IRAK1BP1: variants seen among roughly 807,000 people sequenced by gnomAD.
IRAK1BP1 encodes the protein interleukin 1 receptor associated kinase 1 binding protein 1.
IRAK1BP1 carries 24 observed loss-of-function variants against 28.0 expected under a neutral mutation model. The observed-to-expected ratio is 0.86, with a 90% CI of 0.62 to 1.20. The LOEUF is 1.20. Ranked by LOEUF, IRAK1BP1 falls within the 50% of genes most tolerant of loss-of-function variation. IRAK1BP1 has a pLI of 0.00. For synonymous variants in IRAK1BP1, 131 were observed against 116.3 expected, an observed-to-expected ratio of 1.13 and a Z score of -0.81; for missense variants, 336 against 316.7, an observed-to-expected ratio of 1.06 and a Z score of -0.46.
chr6:78,916,448 G>A (rs1409997179), intron 4 of IRAK1BP1, among the ~76,000 whole-genome samples: 2 of 152,030 alleles, frequency 1.3e-5, no homozygotes, highest in Admixed American at 6.6e-5. Flanking sequence ...AACTAATTTG[G>A]CAGTGTGGTG....
chr6:78,887,016 A>G (rs1025662434), intron 2 of IRAK1BP1, among the ~76,000 whole-genome samples: 6 of 152,214 alleles, frequency 3.9e-5, no homozygotes, highest in African/African-American at 1.2e-4. Flanking sequence ...AAGTATTGGG[A>G]TCACAAGATA....
At chr6:78,962,201 G>A in the IRAK1BP1 span, among the ~76,000 whole-genome samples, 7 of 152,096 alleles carry the variant, frequency 4.6e-5, no homozygotes, top group East Asian at 1.4e-3. Flanking sequence ...TTTCTCAAAC[G>A]TATCCCTTTA....
At chr6:78,946,512 T>A (rs1332071316), downstream of IRAK1BP1, 55 of 1,388,628 alleles carry the variant, frequency 4.0e-5, no homozygotes, top group East Asian at 1.4e-3. Flanking sequence ...CTGTATAGAT[T>A]TAGCAGTTTG....
At chr6:78,887,080 T>A (rs1483011019) in intron 2 of IRAK1BP1, among the ~76,000 whole-genome samples, 1 of 152,188 alleles carries the variant, frequency 6.6e-6, no homozygotes, top group Non-Finnish European at 1.5e-5. Flanking sequence ...TGACTATGGA[T>A]TTAGCAAACA....
At chr6:78,908,791 C>T (rs1482909534) in intron 4 of IRAK1BP1, among the ~76,000 whole-genome samples, 1 of 152,108 alleles carries the variant, frequency 6.6e-6, no homozygotes, top group Non-Finnish European at 1.5e-5. Flanking sequence ...GACTCTTCAC[C>T]AACAGTAGTC....
chr6:78,963,435 AATG>A, the IRAK1BP1 span, among the ~76,000 whole-genome samples: 1 of 152,210 alleles, frequency 6.6e-6, no homozygotes, highest in East Asian at 1.9e-4. Context: ...TTAATTTTTA[AATG>A]ATACTATAAG....
intron 1 of IRAK1BP1, among the ~76,000 whole-genome samples, chr6:78,875,997 C>G (rs1770989633): frequency 6.6e-6 from 1 of 151,958 alleles, no homozygotes; most frequent in Non-Finnish European, 1.5e-5. Context: ...ATTTTTATGG[C>G]TATTGAGATT....
At chr6:78,959,351 TAAAG>T in the IRAK1BP1 span, among the ~76,000 whole-genome samples, 1 of 152,030 alleles carries the variant, frequency 6.6e-6, no homozygotes, top group Non-Finnish European at 1.5e-5. Context: ...CATAGAAACA[TAAAG>T]AAAAACTGTG....
At chr6:78,893,512 A>T (rs1436467320) in intron 2 of IRAK1BP1, among the ~76,000 whole-genome samples, 2 of 151,938 alleles carry the variant, frequency 1.3e-5, no homozygotes. Flanking sequence ...GCCAGAAAGA[A>T]ATAGGAATTT....
chr6:78,924,753 G>C (rs28811946), intron 4 of IRAK1BP1, among the ~76,000 whole-genome samples: 11,527 of 152,160 alleles, frequency 0.076, 532 homozygotes, highest in African/African-American at 0.13. Context: ...GGGATGCAAG[G>C]CTGGTTCAAT....
At chr6:78,947,334 T>C (rs888249735), downstream of IRAK1BP1, among the ~76,000 whole-genome samples, 1 of 152,190 alleles carries the variant, frequency 6.6e-6, no homozygotes, top group Admixed American at 6.5e-5. Flanking sequence ...ACAAGGCAGA[T>C]AATAGCTAGA....
chr6:78,939,280 A>G (rs189814819), intron 4 of IRAK1BP1: 1 of 151,766 alleles, frequency 6.6e-6, no homozygotes, highest in Non-Finnish European at 1.5e-5. Flanking sequence ...TGATGCAAAA[A>G]ATAATAGAAT....
At chr6:78,968,313 GA>G in the IRAK1BP1 span, among the ~76,000 whole-genome samples, 1 of 152,148 alleles carries the variant, frequency 6.6e-6, no homozygotes, top group South Asian at 2.1e-4. Context: ...TATCAGAGTT[GA>G]TTCTTGAAGA....
intron 2 of IRAK1BP1, among the ~76,000 whole-genome samples, chr6:78,896,346 AAAC>A (rs1250297832): frequency 3.3e-5 from 5 of 152,006 alleles, no homozygotes; most frequent in East Asian, 1.9e-4. Flanking sequence ...AAAAAAAAAA[AAAC>A]AACCTGTGAT....
At chr6:78,915,256 T>A (rs1013526794) in intron 4 of IRAK1BP1, among the ~76,000 whole-genome samples, 1 of 152,184 alleles carries the variant, frequency 6.6e-6, no homozygotes, top group East Asian at 1.9e-4. Flanking sequence ...CAACTAAAAT[T>A]GATAGAGTGA....
chr6:78,927,346 C>T (rs1179100342), intron 4 of IRAK1BP1, among the ~76,000 whole-genome samples: 1 of 152,006 alleles, frequency 6.6e-6, no homozygotes, highest in Non-Finnish European at 1.5e-5. Context: ...TGTATGTCTT[C>T]TGAGAAATGT....
the IRAK1BP1 span, among the ~76,000 whole-genome samples, chr6:78,975,319 A>T: frequency 6.6e-6 from 1 of 152,250 alleles, no homozygotes; most frequent in East Asian, 1.9e-4. Flanking sequence ...GACAAAAATC[A>T]ACAACCTTTC....
intron 4 of IRAK1BP1, among the ~76,000 whole-genome samples, chr6:78,921,743 A>G (rs1325464333): frequency 1.3e-5 from 2 of 152,230 alleles, no homozygotes; most frequent in Non-Finnish European, 2.9e-5. Flanking sequence ...AGGAACGATC[A>G]GGCAGCAACA....
chr6:78,869,405 A>G (rs2127663399), intron 1 of IRAK1BP1, among the ~76,000 whole-genome samples: 1 of 152,340 alleles, frequency 6.6e-6, no homozygotes, highest in South Asian at 2.1e-4. Context: ...CTGTAATCCC[A>G]GCTACTAGGG....
Sources: allele counts gnomAD v4.1 joint callset (sites outside exome capture counted in the v4.1 genomes callset), GRCh38; gene constraint gnomAD v4.1.1; transcripts MANE v1.5; gene names NCBI Gene and HGNC (gene_info 2026-07-23, HGNC 2026-07-21).